MAD1L1: variants seen among roughly 807,000 people sequenced by gnomAD.
The protein encoded by MAD1L1 is mitotic spindle assembly checkpoint protein MAD1.
Under a neutral mutation model 96.9 loss-of-function variants are expected in MAD1L1, and 95 were observed. The ratio of observed to expected loss-of-function variants is 0.98; its 90% CI spans 0.83 to 1.16. The LOEUF (loss-of-function observed/expected upper bound fraction) is 1.16. Ranked by LOEUF, MAD1L1 falls within the 50% of genes most tolerant of loss-of-function variation. MAD1L1 has a pLI of 0.00. For missense variants in MAD1L1, 1,007 were observed against 954.4 expected, an observed-to-expected ratio of 1.06 and a Z score of -0.73; for synonymous variants, 473 against 396.6, an observed-to-expected ratio of 1.19 and a Z score of -2.29.
intron 10 of MAD1L1, among the ~76,000 whole-genome samples, chr7:2,154,971 G>T (rs1789752189): frequency 6.6e-6 from 1 of 152,224 alleles, no homozygotes; most frequent in African/African-American, 2.4e-5. Flanking sequence ...ACCAAGCGGG[G>T]TGGGGAGGAG....
At chr7:2,112,189 T>C (rs1472669394) in intron 11 of MAD1L1, among the ~76,000 whole-genome samples, 3 of 150,968 alleles carry the variant, frequency 2.0e-5, no homozygotes, top group Admixed American at 2.0e-4. Context: ...ACAGAAAGCA[T>C]GCTGGGGTGG....
chr7:2,093,657 TGTG>T (rs1214352064), intron 11 of MAD1L1, among the ~76,000 whole-genome samples: 5 of 152,026 alleles, frequency 3.3e-5, no homozygotes, highest in Admixed American at 6.6e-5. Flanking sequence ...GCTCACAGAA[TGTG>T]GGGAAAGCAG....
rs1786945886 is a variant in MAD1L1 at position 2,103,828 on chromosome 7, T to C, written c.1074-34490A>G. Among the ~76,000 whole-genome samples, 1 of 152,066 alleles carries C rather than the reference T, an allele frequency of 6.6e-6. No individual in the cohort carries two copies. The highest frequency in any genetic ancestry group is 2.1e-4 in the South Asian group (1 of 4,822). On this transcript the variant is annotated intron_variant, in intron 11 of 18. Transcript: ENST00000265854. This position sits in a 1 kb window ranked among gnomAD's most constrained non-coding sequence, Gnocchi z 4.3. ...CCAGGCAGAGGGACAGTCTCACAGG[T>C]GGTGTCCGGACTCTGGAGATGGGGT...
Position 2,133,478 on chromosome 7 carries a change from G to GA in MAD1L1, c.1073+15673dup, listed in dbSNP as rs371008029. Among the ~76,000 whole-genome samples, 216 of 152,340 alleles carry GA rather than the reference G, an allele frequency of 1.4e-3. 1 individual carries two copies. The highest frequency in any genetic ancestry group is 4.8e-3 in the African/African-American group (198 of 41,580). On this transcript the variant is annotated intron_variant, in intron 11 of 18. Coordinates refer to ENST00000265854, the MANE Select transcript of MAD1L1 (RefSeq NM_001013836.2). ...TCAGATATGTCTTTTGCATGACGGT[G>GA]AAAAATATTTTCTCCATTTGGGGCT...
chr7:2,060,292 G>A lies in MAD1L1; in HGVS notation c.1218+8902C>T, dbSNP rs151318540. On this transcript the variant is annotated intron_variant, in intron 12 of 18. Coordinates refer to ENST00000265854, the MANE Select transcript of MAD1L1 (RefSeq NM_001013836.2). ...GCCGATGCCGAGATACGCCGATCCC[G>A]AGATACGCCGATCCCGAGATACGCC... is the stretch of plus-strand genomic sequence containing the variant. Among the ~76,000 whole-genome samples, 109 of 147,140 alleles carry A rather than the reference G, an allele frequency of 7.4e-4. No homozygotes were observed. In the East Asian group the frequency reaches 7.6e-3, roughly 10 times the overall value.
intron 1 of MAD1L1, among the ~76,000 whole-genome samples, chr7:2,232,393 C>A (rs922737708): frequency 6.6e-6 from 1 of 152,256 alleles, no homozygotes; most frequent in African/African-American, 2.4e-5. Flanking sequence ...AAACCGGGCC[C>A]ACACGCCCCC....
At chr7:2,068,769 G>C (rs1218148366) in intron 12 of MAD1L1, among the ~76,000 whole-genome samples, 1 of 152,228 alleles carries the variant, frequency 6.6e-6, no homozygotes, top group Non-Finnish European at 1.5e-5. Context: ...CCACCCACAG[G>C]TGGGGCACAC....
intron 17 of MAD1L1, among the ~76,000 whole-genome samples, chr7:1,934,254 G>A (rs528994470): frequency 2.6e-5 from 4 of 152,204 alleles, no homozygotes; most frequent in Admixed American, 6.5e-5. Flanking sequence ...GGTCAGCTCA[G>A]ACACGCCTCT....
At chr7:1,997,912 G>T (rs762186461) in intron 14 of MAD1L1, among the ~76,000 whole-genome samples, 1 of 152,198 alleles carries the variant, frequency 6.6e-6, no homozygotes, top group Non-Finnish European at 1.5e-5. Context: ...AACAAAGGAC[G>T]GGGCCAGGAA....
rs137894043 is a variant in MAD1L1 at position 1,866,101 on chromosome 7, C to G, written c.1998+32099G>C. On this transcript the variant is annotated intron_variant, in intron 18 of 18. Transcript: ENST00000265854. Reference sequence around the variant, plus strand: ...AGACCACGAGTGCCCCCTGACAGACCGTGGGTGGGAGCACAGATGCTCAGC... The same window carrying G: ...AGACCACGAGTGCCCCCTGACAGACGGTGGGTGGGAGCACAGATGCTCAGC... 2.0e-5 allele frequency among the ~76,000 whole-genome samples: 3 copies of G among 152,322 alleles called. No individual in the cohort carries two copies. In the East Asian group the frequency reaches 5.8e-4, roughly 29 times the overall value.
Position 2,216,209 on chromosome 7 carries a change from G to T in MAD1L1, c.757C>A (p.Pro253Thr), listed in dbSNP as rs764418841. 1 of 1,614,050 alleles carries T rather than the reference G, an allele frequency of 6.2e-7. No homozygotes were observed. Among genetic ancestry groups the T allele is most frequent in the Admixed American group, 1.7e-5 (1 of 60,022 alleles). ...KNMKSELVRL[P>T]RLERELKQLR... ...TGCTTCAGCTCCCGTTCCAGCCTAG[G>T]GAGCCGTACCAGCTCAGACTTCATG... Residue 253 changes from proline to threonine, a missense_variant, in exon 8 of 19, where the codon CCT becomes ACT. Physicochemically the swap from Pro to Thr is conservative, Grantham distance 38 (BLOSUM62 -1). Coordinates refer to ENST00000265854, the MANE Select transcript of MAD1L1 (RefSeq NM_001013836.2).
chr7:1,967,247 G>C (rs1780206055), intron 15 of MAD1L1, among the ~76,000 whole-genome samples: 1 of 152,132 alleles, frequency 6.6e-6, no homozygotes, highest in South Asian at 2.1e-4. Flanking sequence ...CAAAACATCA[G>C]ACTGAGAAAT....
intron 11 of MAD1L1, among the ~76,000 whole-genome samples, chr7:2,136,384 C>T (rs988306032): frequency 2.1e-4 from 32 of 152,208 alleles, no homozygotes; most frequent in Admixed American, 1.8e-3. Context: ...CGAGAGGCTC[C>T]CCGCCAGCAG....
At chr7:2,060,576 C>T (rs930943932) in intron 12 of MAD1L1, among the ~76,000 whole-genome samples, 2 of 152,240 alleles carry the variant, frequency 1.3e-5, no homozygotes, top group South Asian at 2.1e-4. Flanking sequence ...CACAGGGAAA[C>T]ACTGGAAGGA....
At chr7:1,972,890 C>T (rs766939710) in intron 15 of MAD1L1, among the ~76,000 whole-genome samples, 32 of 152,224 alleles carry the variant, frequency 2.1e-4, no homozygotes, top group Non-Finnish European at 3.7e-4. Flanking sequence ...TTATTTGTAC[C>T]GGGAGACCTC....
intron 18 of MAD1L1, chr7:1,849,607 C>T (rs918550377): frequency 1.3e-5 from 2 of 152,230 alleles, no homozygotes; most frequent in South Asian, 2.1e-4. Context: ...TCGTGCTCGG[C>T]GTGGCCCAAG....
intron 13 of MAD1L1, among the ~76,000 whole-genome samples, chr7:2,011,309 C>T (rs1283750549): frequency 1.3e-5 from 2 of 152,198 alleles, no homozygotes; most frequent in Non-Finnish European, 2.9e-5. Context: ...GTGCAGCCAC[C>T]CTTGCCACAC....
intron 10 of MAD1L1, among the ~76,000 whole-genome samples, chr7:2,165,526 C>T (rs1312875002): frequency 8.4e-6 from 1 of 119,662 alleles, no homozygotes; most frequent in Non-Finnish European, 1.8e-5. Context: ...GCCACCAGGA[C>T]CACCCTCTGC....
At chr7:1,928,809 G>A (rs902648996) in intron 17 of MAD1L1, among the ~76,000 whole-genome samples, 5 of 152,188 alleles carry the variant, frequency 3.3e-5, no homozygotes, top group Admixed American at 1.3e-4. Flanking sequence ...ATTTCTGGCC[G>A]TGGGAGGGCA....
Sources: gnomAD v4.1 joint callset for allele counts (sites outside exome capture counted in the v4.1 genomes callset) on GRCh38, gnomAD v4.1.1 for gene constraint, Gnocchi (gnomAD v3.1) non-coding constraint, MANE v1.5 for transcripts, NCBI Gene and HGNC (gene_info 2026-07-23, HGNC 2026-07-21) for gene names.